The following HAPLN1 variants were observed in gnomAD, a reference collection of about 807,000 sequenced individuals.
HAPLN1 encodes the protein Cartilage link protein.
In HAPLN1, 13 loss-of-function variants were observed where a neutral mutation model predicts 36.5. The observed-to-expected ratio is 0.36, with a 90% CI of 0.23 to 0.57. The LOEUF (loss-of-function observed/expected upper bound fraction) is 0.57. HAPLN1 is among the 20% of genes least tolerant of loss of function. The probability of loss-of-function intolerance (pLI) is 0.83; values close to 1 mark genes in which losing one functional copy is unlikely to be tolerated. For synonymous variants in HAPLN1, 202 were observed against 169.8 expected, an observed-to-expected ratio of 1.19 and a Z score of -1.48; for missense variants, 407 against 439.7, an observed-to-expected ratio of 0.93 and a Z score of 0.66.
At chr5:83,642,969 T>A (rs1749744247) in intron 4 of HAPLN1, among the ~76,000 whole-genome samples, 1 of 152,160 alleles carries the variant, frequency 6.6e-6, no homozygotes, top group African/African-American at 2.4e-5. Context: ...ACAATGAGCC[T>A]TTGCAGCAGA....
At chr5:83,692,777 G>C (rs1020608313) in intron 1 of HAPLN1, among the ~76,000 whole-genome samples, 1 of 151,818 alleles carries the variant, frequency 6.6e-6, no homozygotes, top group African/African-American at 2.4e-5. Flanking sequence ...AGGTAAAAAT[G>C]ATATGAATGT....
intron 2 of HAPLN1, among the ~76,000 whole-genome samples, chr5:83,664,674 T>C (rs1750505677): frequency 6.6e-6 from 1 of 152,256 alleles, no homozygotes; most frequent in African/African-American, 2.4e-5. Context: ...TGAGCCACTG[T>C]GTCTTCCAAA....
chr5:83,641,868 T>C (rs1211544036), intron 4 of HAPLN1, 83 bp from the exon 5 acceptor site: 7 of 1,401,094 alleles, frequency 5.0e-6, no homozygotes, highest in East Asian at 4.6e-5. Context: ...ACGGAAGTGT[T>C]TCTCAATGAA....
In HAPLN1 at chr5:83,652,490, T is replaced by C; in HGVS notation, c.435A>G (p.Leu145=). Residue 145 remains leucine (L), a synonymous_variant, in exon 3 of 5, where the codon TTA becomes TTG. Transcript: ENST00000274341. ...GRYKCEVIEG[L]EDDTVVVALD... ...GTGCTACCACAACAGTATCATCTTC[T>C]AATCCTTCAATCACCTCACACTTAT... is the stretch of plus-strand genomic sequence containing the variant. The C allele has an allele frequency of 1.9e-6, 3 of 1,614,146 alleles. No individual in the cohort carries two copies. The highest frequency in any genetic ancestry group is 2.2e-5 in the East Asian group (1 of 44,884).
At chr5:83,679,378 G>A (rs999565694) in intron 1 of HAPLN1, among the ~76,000 whole-genome samples, 7 of 152,164 alleles carry the variant, frequency 4.6e-5, no homozygotes, top group Admixed American at 2.0e-4. Flanking sequence ...TTAAATTTAC[G>A]AAAAATTTAT....
intron 1 of HAPLN1, among the ~76,000 whole-genome samples, chr5:83,679,440 T>C (rs921145059): frequency 4.6e-5 from 7 of 152,208 alleles, no homozygotes; most frequent in African/African-American, 1.4e-4. Flanking sequence ...ATCCTGTTTT[T>C]CCCCTAACTT....
chr5:83,692,372 T>A (rs932573769), intron 1 of HAPLN1, among the ~76,000 whole-genome samples: 1 of 150,642 alleles, frequency 6.6e-6, no homozygotes, highest in South Asian at 2.1e-4. Flanking sequence ...AAAGAGAAAA[T>A]CTGAAAGAAA....
At position 83,652,544 on chromosome 5, in the gene HAPLN1, T is replaced by G; in HGVS notation, c.381A>C (p.Thr127=). The stretch of plus-strand genomic sequence containing the variant: ...TCCCATAATCTTCCAGAGTGAGGTC[T>G]GTGATGACCAGAGAAGCATCACTAT... ...GSDSDASLVI[T]DLTLEDYGRY... is the part of the protein sequence containing the mutation. Residue 127 remains threonine (T), a synonymous_variant, in exon 3 of 5, where the codon ACA becomes ACC. Transcript: ENST00000274341. 6.2e-7 allele frequency: 1 copy of G among 1,614,178 alleles called. No homozygotes were observed. The highest frequency in any genetic ancestry group is 8.5e-7 in the Non-Finnish European group (1 of 1,179,982).
intron 1 of HAPLN1, among the ~76,000 whole-genome samples, chr5:83,716,465 G>A (rs933110728): frequency 2.6e-5 from 4 of 152,142 alleles, no homozygotes; most frequent in South Asian, 4.1e-4. Flanking sequence ...CTGTTAAGCC[G>A]TAAAACAATC....
chr5:83,705,514 T>C (rs1751622662), intron 1 of HAPLN1, among the ~76,000 whole-genome samples: 1 of 152,072 alleles, frequency 6.6e-6, no homozygotes, highest in African/African-American at 2.4e-5. Flanking sequence ...ATCATTAAGT[T>C]CTTTGAAACT....
At chr5:83,665,805 A>G (rs955105690) in intron 2 of HAPLN1, among the ~76,000 whole-genome samples, 7 of 152,190 alleles carry the variant, frequency 4.6e-5, no homozygotes, top group African/African-American at 1.4e-4. Flanking sequence ...ATCCCTGAGC[A>G]TGTAAATATT....
In HAPLN1 at chr5:83,641,671, T is replaced by A; in HGVS notation, c.890A>T (p.Lys297Ile). 1 of 1,614,196 alleles carries A rather than the reference T, an allele frequency of 6.2e-7. No homozygotes were observed. Among genetic ancestry groups the A allele is most frequent in the Non-Finnish European group, 8.5e-7 (1 of 1,180,032 alleles). ...AKVGQIFAAW[K>I]ILGYDRCDAG... ...ATCACAGCGGTCATATCCGAGAATT[T>A]TCCAGGCAGCAAATATCTGGCCCAC... The change falls in exon 5 of 5, where the codon AAA becomes ATA. Residue 297 changes from lysine to isoleucine, a missense_variant. Transcript: ENST00000274341.
intron 3 of HAPLN1, among the ~76,000 whole-genome samples, chr5:83,650,670 T>G (rs1750030377): frequency 6.8e-6 from 1 of 148,090 alleles, no homozygotes; most frequent in Non-Finnish European, 1.5e-5. Context: ...AGTCTTGCTC[T>G]GTCGCCCAGG....
intron 1 of HAPLN1, among the ~76,000 whole-genome samples, chr5:83,686,441 T>C (rs990133064): frequency 2.0e-5 from 3 of 152,202 alleles, no homozygotes; most frequent in African/African-American, 7.2e-5. Context: ...GAAACTTCCT[T>C]TGGTTTGGCT....
In HAPLN1 at chr5:83,644,445, T is replaced by C; in HGVS notation, c.693A>G (p.Thr231=). 2 of 1,612,264 alleles carry C rather than the reference T, an allele frequency of 1.2e-6. No individual in the cohort carries two copies. The highest frequency in any genetic ancestry group is 1.7e-6 in the Non-Finnish European group (2 of 1,179,426). ...ATCCGTAGTTCCTGACTCCGGGCAC[T>C]GTGTTCTGCCCCCCACAGGGCTCTC... ...KPREPCGGQN[T]VPGVRNYGFW... is the part of the protein sequence containing the mutation. The change falls in exon 4 of 5, where the codon ACA becomes ACG. Residue 231 remains threonine (T), a synonymous_variant. Transcript: ENST00000274341.
chr5:83,719,947 A>G (rs1478163537), intron 1 of HAPLN1, among the ~76,000 whole-genome samples: 1 of 152,236 alleles, frequency 6.6e-6, no homozygotes, highest in Non-Finnish European at 1.5e-5. Flanking sequence ...TCCCAAATGT[A>G]CTGGCCACTG....
chr5:83,708,440 C>T (rs1234859326), intron 1 of HAPLN1, among the ~76,000 whole-genome samples: 1 of 152,108 alleles, frequency 6.6e-6, no homozygotes, highest in East Asian at 1.9e-4. Context: ...AGGCCATTAT[C>T]CTTAGCAAAC....
rs140734535 is a variant in HAPLN1, at chr5:83,693,859, T to A, written c.-26-20310A>T. ...AAAATGATATAGAATTGTAAAATAT[T>A]AGAGCATCCCTTTATCAACAATTGA... On this transcript the variant is annotated intron_variant, in intron 1 of 4. Transcript: ENST00000274341. Among the ~76,000 whole-genome samples, 563 of 152,000 alleles carry A rather than the reference T, an allele frequency of 3.7e-3. 4 individuals are homozygous for A. The highest frequency in any genetic ancestry group is 0.013 in the African/African-American group (523 of 41,564).
chr5:83,648,433 A>ATATATG (rs1749946053), intron 3 of HAPLN1, among the ~76,000 whole-genome samples: 2 of 130,496 alleles, frequency 1.5e-5, no homozygotes, highest in Non-Finnish European at 3.3e-5. Flanking sequence ...ATATATATAT[A>ATATATG]TATATGGTTT....
Sources: gnomAD v4.1 joint callset for allele counts (sites outside exome capture counted in the v4.1 genomes callset) on GRCh38, gnomAD v4.1.1 for gene constraint, MANE v1.5 for transcripts, NCBI Gene and HGNC (gene_info 2026-07-23, HGNC 2026-07-21) for gene names.